The following GNB5 variants were observed in gnomAD, a reference collection of about 807,000 sequenced individuals.
GNB5 encodes the protein G protein subunit beta 5.
GNB5 carries 37 observed loss-of-function variants against 55.3 expected under a neutral mutation model. The ratio of observed to expected loss-of-function variants is 0.67; its 90% CI spans 0.51 to 0.88. GNB5 has a LOEUF of 0.88. GNB5 is among the 40% of genes least tolerant of loss of function. The pLI, the probability that GNB5 is intolerant of heterozygous loss-of-function variation, is 0.00. For missense variants in GNB5, 476 were observed against 515.3 expected (o/e 0.92, Z 0.74); for synonymous variants, 219 against 198.5 (o/e 1.10, Z -0.87).
chr15:52,160,513 A>G (rs2034309903), intron 3 of GNB5, among the ~76,000 whole-genome samples: 2 of 152,244 alleles, frequency 1.3e-5, no homozygotes, highest in South Asian at 4.1e-4. Flanking sequence ...TTAGAATAGC[A>G]GAGAAGGGGT....
At chr15:52,175,493 C>T (rs2034632710) in intron 3 of GNB5, among the ~76,000 whole-genome samples, 1 of 152,218 alleles carries the variant, frequency 6.6e-6, no homozygotes, top group African/African-American at 2.4e-5. Flanking sequence ...AATCCCAGCA[C>T]TTTGGGAGGC....
chr15:52,116,095 G>C lies in GNB5; in HGVS notation c.*6662C>G, dbSNP rs978757675. 6.6e-6 allele frequency: 1 copy of C among 152,118 alleles called. No homozygotes were observed. Among genetic ancestry groups the C allele is most frequent in the Non-Finnish European group, 1.5e-5 (1 of 68,020 alleles). The allele number at this position is 152,118 out of a possible 1,614,324, so 9.4% of individuals were successfully genotyped here. ...GAACATTGGGGCTGTTTCAGCTTTG[G>C]GCTATTATGAGTAATGCTGCTATGA... On this transcript the variant is annotated 3_prime_UTR_variant, in exon 13 of 13. Coordinates refer to ENST00000261837, the MANE Select transcript of GNB5 (RefSeq NM_016194.4).
rs536229913 is a variant in GNB5 at position 52,118,325 on chromosome 15, T to G, written c.*4432A>C. On this transcript the variant is annotated 3_prime_UTR_variant, in exon 13 of 13. Coordinates refer to ENST00000261837, the MANE Select transcript of GNB5 (RefSeq NM_016194.4). ...TCCCTGAGACCCTTTCAGGGGGTCC[T>G]CACGGTCAAAACTATTTTCATAATA... is the stretch of plus-strand genomic sequence containing the variant. 1 of 151,808 alleles carries G rather than the reference T, an allele frequency of 6.6e-6. No individual in the cohort carries two copies. The highest frequency in any genetic ancestry group is 1.5e-5 in the Non-Finnish European group (1 of 67,986). 9.4% of individuals were successfully genotyped at this position (151,808 alleles called of 1,614,324 possible).
At chr15:52,123,212 C>G (rs1220170064) in intron 12 of GNB5, among the ~76,000 whole-genome samples, 1 of 152,194 alleles carries the variant, frequency 6.6e-6, no homozygotes, top group South Asian at 2.1e-4. Flanking sequence ...ATCCTTTTCT[C>G]TATCCTAACA....
chr15:52,164,478 T>C (rs901358506), intron 3 of GNB5, among the ~76,000 whole-genome samples: 1 of 150,900 alleles, frequency 6.6e-6, no homozygotes, highest in African/African-American at 2.4e-5. Flanking sequence ...TAAAAAAAAT[T>C]AGCTGTGCGT....
At chr15:52,168,267 A>G (rs1329465810) in intron 3 of GNB5, among the ~76,000 whole-genome samples, 1 of 152,234 alleles carries the variant, frequency 6.6e-6, no homozygotes, top group African/African-American at 2.4e-5. Context: ...TCTAAGCCCA[A>G]AAGTTTCCTA....
chr15:52,121,426 G>T lies in GNB5; in HGVS notation c.*1331C>A, dbSNP rs1157952246. On this transcript the variant is annotated 3_prime_UTR_variant, in exon 13 of 13. Coordinates refer to ENST00000261837, the MANE Select transcript of GNB5 (RefSeq NM_016194.4). ...TACATCTTACAAAAAAACAAAAAAA[G>T]GAAAAGAAGGGATCCTATAACAAAA... The T allele has an allele frequency of 1.3e-5, 2 of 152,070 alleles. No individual in the cohort carries two copies. Among genetic ancestry groups the T allele is most frequent in the African/African-American group, 2.4e-5 (1 of 41,418 alleles). 9.4% of individuals were successfully genotyped at this position (152,070 alleles called of 1,614,324 possible).
At chr15:52,125,717 C>G (rs1301276113) in intron 11 of GNB5, 1 of 475,244 alleles carries the variant, frequency 2.1e-6, no homozygotes, top group Non-Finnish European at 3.8e-6. Flanking sequence ...TGAAGGACAG[C>G]ATTAGGTGGG....
chr15:52,141,090 C>A lies in GNB5; in HGVS notation c.627+50G>T, dbSNP rs369013108. 6 of 1,585,550 alleles carry A rather than the reference C, an allele frequency of 3.8e-6. No homozygotes were observed. In the African/African-American group the frequency reaches 8.1e-5, roughly 21 times the overall value. On this transcript the variant is annotated intron_variant, in intron 7 of 12. Coordinates refer to ENST00000261837, the MANE Select transcript of GNB5 (RefSeq NM_016194.4). ...AAAGCTTCCTCTCCTCTCAGCTCCT[C>A]TTTAGTGCTCCTTGGCAGGTCAACC...
At chr15:52,134,447 G>T (rs2033650714) in intron 8 of GNB5, among the ~76,000 whole-genome samples, 1 of 152,168 alleles carries the variant, frequency 6.6e-6, no homozygotes, top group Non-Finnish European at 1.5e-5. Context: ...TGTGGGCAAA[G>T]AAACCAGAAA....
Position 52,141,156 on chromosome 15 carries a change from G to A in GNB5, c.611C>T (p.Thr204Ile). ...HTNYLSACSF[T>I]NSDMQILTAS... ...CCTATTTACCTGCATGTCAGAGTTG[G>A]TGAAGCTGCAGGCCGACAGGTAGTT... The change falls in exon 7 of 13, where the codon ACC (threonine) becomes ATC (isoleucine). Residue 204 changes from threonine to isoleucine, a missense_variant. Transcript: ENST00000261837. 6.2e-7 allele frequency: 1 copy of A among 1,614,102 alleles called. No individual in the cohort carries two copies. Among genetic ancestry groups the A allele is most frequent in the Non-Finnish European group, 8.5e-7 (1 of 1,179,966 alleles).
chr15:52,156,444 A>G (rs1371644479), intron 3 of GNB5, among the ~76,000 whole-genome samples: 11 of 152,228 alleles, frequency 7.2e-5, no homozygotes, highest in Non-Finnish European at 1.6e-4. Context: ...AATACTTGCT[A>G]AACTAGGCCA....
At chr15:52,140,965 T>G (rs904427218) in intron 7 of GNB5, among the ~76,000 whole-genome samples, 175 bp downstream of exon 7, 12 of 152,182 alleles carry the variant, frequency 7.9e-5, no homozygotes, top group African/African-American at 2.9e-4. Context: ...AGCCCCAACC[T>G]TCTCATGTTA....
chr15:52,133,118 TAATA>T (rs1228909878), intron 9 of GNB5, among the ~76,000 whole-genome samples: 1 of 152,232 alleles, frequency 6.6e-6, no homozygotes, highest in Admixed American at 6.5e-5. Flanking sequence ...TATAAATACT[TAATA>T]AATATTTATT....
chr15:52,150,102 G>T (rs1212373158), intron 4 of GNB5, among the ~76,000 whole-genome samples, 177 bp from the exon 5 acceptor site: 1 of 152,116 alleles, frequency 6.6e-6, no homozygotes, highest in African/African-American at 2.4e-5. Flanking sequence ...AGTGCAGGAG[G>T]GGCTGGATGT....
intron 2 of GNB5, 74 bp from the exon 3 acceptor site, chr15:52,179,953 C>T (rs1047389206): frequency 4.1e-4 from 586 of 1,421,840 alleles, no homozygotes; most frequent in Non-Finnish European, 5.3e-4. Flanking sequence ...GCCGCTCCAG[C>T]AGCCGTCCCC....
chr15:52,151,148 T>C (rs1336682857), intron 4 of GNB5, among the ~76,000 whole-genome samples: 2 of 152,202 alleles, frequency 1.3e-5, no homozygotes, highest in African/African-American at 4.8e-5. Context: ...TCTGCCTAAA[T>C]GGCCACACAC....
intron 12 of GNB5, 139 bp from the exon 13 acceptor site, chr15:52,122,907 A>AG: frequency 1.7e-6 from 1 of 604,588 alleles, no homozygotes; most frequent in Non-Finnish European, 2.9e-6. Flanking sequence ...CACACACACA[A>AG]ACATACACAC....
At chr15:52,157,225 G>A (rs1185894831) in intron 3 of GNB5, among the ~76,000 whole-genome samples, 4 of 144,642 alleles carry the variant, frequency 2.8e-5, no homozygotes, top group African/African-American at 5.1e-5. Context: ...CGTGAGCCAC[G>A]GCACCCGGCC....
Sources: allele counts gnomAD v4.1 joint callset (sites outside exome capture counted in the v4.1 genomes callset), GRCh38; gene constraint gnomAD v4.1.1; transcripts MANE v1.5; gene names NCBI Gene and HGNC (gene_info 2026-07-23, HGNC 2026-07-21).